PRKG1: variants seen among roughly 807,000 people sequenced by gnomAD.
The protein encoded by PRKG1 is cGMP-dependent protein kinase 1.
Under a neutral mutation model 88.1 loss-of-function variants are expected in PRKG1, and 35 were observed. The ratio of observed to expected loss-of-function variants is 0.40; its 90% CI spans 0.30 to 0.53. The LOEUF (loss-of-function observed/expected upper bound fraction) is 0.53. PRKG1 is among the 20% of genes least tolerant of loss of function. The probability of loss-of-function intolerance (pLI) is 0.59; values close to 1 mark genes in which losing one functional copy is unlikely to be tolerated. For missense variants in PRKG1, 540 were observed against 839.8 expected, an observed-to-expected ratio of 0.64 and a Z score of 4.41; for synonymous variants, 303 against 292.5, an observed-to-expected ratio of 1.04 and a Z score of -0.37.
intron 7 of PRKG1, among the ~76,000 whole-genome samples, chr10:52,123,107 G>C (rs868007828): frequency 6.6e-6 from 1 of 152,048 alleles, no homozygotes. Flanking sequence ...TACATTCTTT[G>C]TCACTGAAGA....
At chr10:52,169,591 GA>G (rs1030663890) in intron 9 of PRKG1, among the ~76,000 whole-genome samples, 3 of 152,142 alleles carry the variant, frequency 2.0e-5, no homozygotes, top group African/African-American at 4.8e-5. Flanking sequence ...AAGAATGGGG[GA>G]AGAAACAATG....
At chr10:51,707,398 T>C (rs1436577809) in intron 3 of PRKG1, among the ~76,000 whole-genome samples, 1 of 152,184 alleles carries the variant, frequency 6.6e-6, no homozygotes, top group Admixed American at 6.5e-5. Flanking sequence ...AAGTGTGCAC[T>C]GGCAGACGTA....
chr10:51,693,695 C>A (rs1250843835), intron 3 of PRKG1, among the ~76,000 whole-genome samples: 1 of 152,060 alleles, frequency 6.6e-6, no homozygotes, highest in Non-Finnish European at 1.5e-5. Flanking sequence ...AGCCACCATG[C>A]CCGACTCCCA....
intron 3 of PRKG1, among the ~76,000 whole-genome samples, chr10:51,483,345 C>T (rs1840429264): frequency 6.6e-6 from 1 of 152,032 alleles, no homozygotes; most frequent in African/African-American, 2.4e-5. Flanking sequence ...TATTTTGGTG[C>T]CCTTATGCAG....
intron 9 of PRKG1, among the ~76,000 whole-genome samples, chr10:52,216,548 T>C (rs1201253173): frequency 2.0e-5 from 3 of 152,230 alleles, no homozygotes; most frequent in Non-Finnish European, 4.4e-5. Flanking sequence ...TATTTTCTCA[T>C]CTTTACCTTT....
chr10:51,568,812 T>G (rs1837674134), intron 3 of PRKG1: 1 of 152,014 alleles, frequency 6.6e-6, no homozygotes, highest in Non-Finnish European at 1.5e-5. Flanking sequence ...AGGAAGATTG[T>G]AAGATGCTAG....
At chr10:51,977,115 C>A in intron 5 of PRKG1, among the ~76,000 whole-genome samples, 1 of 152,002 alleles carries the variant, frequency 6.6e-6, no homozygotes, top group Non-Finnish European at 1.5e-5. Context: ...CCTCTACCTC[C>A]AACCACCCAC....
intron 1 of PRKG1, among the ~76,000 whole-genome samples, chr10:51,094,150 A>G (rs1564597651): frequency 6.6e-6 from 1 of 151,972 alleles, no homozygotes; most frequent in South Asian, 2.1e-4. Context: ...AGAAATACAT[A>G]TGTAAAGAGA....
chr10:51,321,950 C>T (rs1223779232), intron 2 of PRKG1, among the ~76,000 whole-genome samples: 1 of 152,140 alleles, frequency 6.6e-6, no homozygotes, highest in Non-Finnish European at 1.5e-5. Context: ...GATGGTAAGT[C>T]TTAGGAAATC....
rs372710020 is a variant in PRKG1 at position 51,179,773 on chromosome 10, G to C, written c.478+26443G>C. Among the ~76,000 whole-genome samples, 11 of 152,052 alleles carry C rather than the reference G, an allele frequency of 7.2e-5. No homozygotes were observed. The East Asian group carries it at 1.5e-3, about 21-fold the overall frequency. On this transcript the variant is annotated intron_variant, in intron 2 of 17. Coordinates refer to ENST00000373980, the MANE Select transcript of PRKG1 (RefSeq NM_006258.4). ...GCAGTGGAGAAGTCATTCTCTTAAG[G>C]GGGACAGCCAAAAGTTCCAGTGCTT...
chr10:51,692,664 C>A (rs1841175137), intron 3 of PRKG1, among the ~76,000 whole-genome samples: 1 of 152,060 alleles, frequency 6.6e-6, no homozygotes, highest in Non-Finnish European at 1.5e-5. Context: ...TTTGTAGAGA[C>A]AGGATCTCCC....
intron 4 of PRKG1, among the ~76,000 whole-genome samples, chr10:51,811,044 G>A (rs1839443621): frequency 6.6e-6 from 1 of 152,126 alleles, no homozygotes; most frequent in Non-Finnish European, 1.5e-5. Context: ...AAGCAACTAA[G>A]TCTCAAAGAG....
chr10:51,250,074 A>T (rs1364230344), intron 2 of PRKG1, among the ~76,000 whole-genome samples: 1 of 151,776 alleles, frequency 6.6e-6, no homozygotes, highest in Non-Finnish European at 1.5e-5. Context: ...ACAGTTACTG[A>T]ATGGAAAAGT....
intron 3 of PRKG1, among the ~76,000 whole-genome samples, chr10:51,575,595 G>C (rs528153642): frequency 6.6e-6 from 1 of 151,876 alleles, no homozygotes; most frequent in South Asian, 2.1e-4. Flanking sequence ...TTTTATCCTT[G>C]CTACCAGGAA....
chr10:51,179,885 T>C (rs555217104), intron 2 of PRKG1, among the ~76,000 whole-genome samples: 73 of 152,290 alleles, frequency 4.8e-4, no homozygotes, highest in Admixed American at 9.8e-4. Context: ...ATGAAAATAA[T>C]CATAGTCCCT....
At chr10:51,523,376 G>C (rs1215344126) in intron 3 of PRKG1, among the ~76,000 whole-genome samples, 1 of 152,122 alleles carries the variant, frequency 6.6e-6, no homozygotes, top group Non-Finnish European at 1.5e-5. Context: ...ATTTAAGTTG[G>C]TTAGTCCATA....
At chr10:51,812,891 G>T (rs375022583) in intron 4 of PRKG1, among the ~76,000 whole-genome samples, 3 of 152,106 alleles carry the variant, frequency 2.0e-5, no homozygotes, top group South Asian at 4.1e-4. Flanking sequence ...AAGAGGATCA[G>T]CTTAGATGAT....
At chr10:51,771,998 T>C (rs1838316505) in intron 3 of PRKG1, among the ~76,000 whole-genome samples, 1 of 152,342 alleles carries the variant, frequency 6.6e-6, no homozygotes, top group East Asian at 1.9e-4. Flanking sequence ...TTTTTATTTT[T>C]TTTAACTATT....
intron 2 of PRKG1, among the ~76,000 whole-genome samples, chr10:51,436,668 G>A (rs939278516): frequency 2.0e-5 from 3 of 151,932 alleles, no homozygotes; most frequent in East Asian, 1.9e-4. Context: ...GTCACATTCT[G>A]GATATGAACA....
Sources: allele counts gnomAD v4.1 joint callset (sites outside exome capture counted in the v4.1 genomes callset), GRCh38; gene constraint gnomAD v4.1.1; transcripts MANE v1.5; gene names NCBI Gene and HGNC (gene_info 2026-07-23, HGNC 2026-07-21).